Variants in GRB10 observed in about 807,000 individuals in gnomAD.
GRB10 encodes growth factor receptor-bound protein 10.
Under a neutral mutation model 80.9 loss-of-function variants are expected in GRB10, and 20 were observed. The ratio of observed to expected loss-of-function variants is 0.25; its 90% CI spans 0.17 to 0.36. GRB10 has a LOEUF of 0.36. GRB10 is among the 10% of genes least tolerant of loss of function. The pLI is 1.00. For synonymous variants in GRB10, 291 were observed against 291.5 expected (o/e 1.00, Z 0.02); for missense variants, 548 against 747.7 (o/e 0.73, Z 3.12).
intron 2 of GRB10, among the ~76,000 whole-genome samples, chr7:50,764,544 G>A (rs2076129346): frequency 6.6e-6 from 1 of 152,196 alleles, no homozygotes; most frequent in South Asian, 2.1e-4. Flanking sequence ...TGGAAGGCAC[G>A]CAAAAGCTCT....
At chr7:50,775,770 C>G (rs973513552) in intron 2 of GRB10, among the ~76,000 whole-genome samples, 5 of 152,252 alleles carry the variant, frequency 3.3e-5, no homozygotes, top group African/African-American at 4.8e-5. Context: ...CTCTTGCACT[C>G]TGCATACTTG....
intron 7 of GRB10, among the ~76,000 whole-genome samples, chr7:50,650,505 G>A (rs180931397): frequency 2.6e-4 from 40 of 152,350 alleles, no homozygotes; most frequent in Non-Finnish European, 4.6e-4. Flanking sequence ...AATGATTCTG[G>A]AATGAGGATG....
rs777553621 is a variant in GRB10, at chr7:50,775,161, C to CAAAAAAAAAAA, written c.-217+5455_-217+5465dup. Reference sequence around the variant, plus strand: ...GAATGACACAGTGAGATCCTGTCTCCAAAAAAAAAAAACAAAAAAAAACAG... The same window carrying CAAAAAAAAAAA: ...GAATGACACAGTGAGATCCTGTCTCCAAAAAAAAAAAAAAAAAAAAAAACAAAAAAAAACAG... On this transcript the variant is annotated intron_variant, in intron 2 of 18. Coordinates refer to ENST00000401949, the MANE Select transcript of GRB10 (RefSeq NM_001350814.2). Among the ~76,000 whole-genome samples, 85 of 30,976 alleles carry CAAAAAAAAAAA rather than the reference C, an allele frequency of 2.7e-3. 15 individuals are homozygous for CAAAAAAAAAAA. The highest frequency in any genetic ancestry group is 4.4e-3 in the East Asian group (4 of 918). The allele number at this position is 30,976 out of a possible 152,430, so 20.3% of individuals were successfully genotyped here.
chr7:50,616,153 C>G lies in GRB10; in HGVS notation c.984+57G>C, dbSNP rs750610949. 59 of 1,609,136 alleles carry G rather than the reference C, an allele frequency of 3.7e-5. 1 individual carries two copies. In the Admixed American group the frequency reaches 5.8e-4, roughly 16 times the overall value. Reference sequence around the variant, plus strand: ...TGAAGCCCAGGTTCACTCTGAGGACCTGGGGGGAGTGACTGTGGCAGAATT... The same window carrying G: ...TGAAGCCCAGGTTCACTCTGAGGACGTGGGGGGAGTGACTGTGGCAGAATT... On this transcript the variant is annotated intron_variant, in intron 11 of 18. Transcript: ENST00000401949.
chr7:50,677,748 C>G (rs2061112728), intron 5 of GRB10, among the ~76,000 whole-genome samples: 1 of 152,198 alleles, frequency 6.6e-6, no homozygotes, highest in African/African-American at 2.4e-5. Context: ...AGTGGGCCAT[C>G]TAAAAGTCAA....
At chr7:50,636,403 G>A (rs928310400) in intron 7 of GRB10, among the ~76,000 whole-genome samples, 11 of 152,108 alleles carry the variant, frequency 7.2e-5, no homozygotes, top group African/African-American at 1.7e-4. Flanking sequence ...CCCTGATACC[G>A]AAATCAGGCA....
chr7:50,690,061 C>T (rs777101119), intron 5 of GRB10, among the ~76,000 whole-genome samples: 1 of 151,908 alleles, frequency 6.6e-6, no homozygotes, highest in Non-Finnish European at 1.5e-5. Context: ...CTTTGGGAGG[C>T]CAAGACGGGA....
chr7:50,601,254 G>T (rs1044697165), intron 17 of GRB10, among the ~76,000 whole-genome samples: 3 of 152,228 alleles, frequency 2.0e-5, no homozygotes, highest in African/African-American at 7.2e-5. Context: ...TGGTGTAGGG[G>T]TTGGGAGGCA....
At chr7:50,768,272 A>C (rs1426028917) in intron 2 of GRB10, among the ~76,000 whole-genome samples, 1 of 152,206 alleles carries the variant, frequency 6.6e-6, no homozygotes, top group African/African-American at 2.4e-5. Flanking sequence ...ATTTAGAAAA[A>C]TCGATGCAGG....
intron 8 of GRB10, among the ~76,000 whole-genome samples, chr7:50,626,321 C>G (rs1350654399): frequency 6.6e-6 from 1 of 152,244 alleles, no homozygotes; most frequent in African/African-American, 2.4e-5. Context: ...CTCAAACTTA[C>G]AGCAAAGTGC....
At chr7:50,639,337 C>G (rs1586146327) in intron 7 of GRB10, among the ~76,000 whole-genome samples, 3 of 152,068 alleles carry the variant, frequency 2.0e-5, no homozygotes, top group African/African-American at 7.2e-5. Context: ...ATCCTTTTTT[C>G]TAAAGGAGAT....
intron 7 of GRB10, among the ~76,000 whole-genome samples, chr7:50,629,644 C>T (rs1010016467): frequency 3.3e-5 from 5 of 152,190 alleles, no homozygotes; most frequent in African/African-American, 9.7e-5. Flanking sequence ...ACCCAGTCAA[C>T]GCGTAGAGCT....
chr7:50,749,637 G>T (rs1414770611), intron 3 of GRB10, among the ~76,000 whole-genome samples: 1 of 152,022 alleles, frequency 6.6e-6, no homozygotes, highest in African/African-American at 2.4e-5. Context: ...TCTTCCATTG[G>T]TTCTAAACAC....
intron 7 of GRB10, among the ~76,000 whole-genome samples, chr7:50,661,871 G>A (rs143606525): frequency 5.1e-4 from 77 of 152,354 alleles, no homozygotes; most frequent in Admixed American, 9.8e-4. Flanking sequence ...ACCAGCTGCC[G>A]TTGTGGAGAG....
intron 2 of GRB10, chr7:50,779,015 G>A (rs901953191): frequency 6.6e-6 from 1 of 152,108 alleles, no homozygotes; most frequent in Non-Finnish European, 1.5e-5. Flanking sequence ...ATTTGCCCCT[G>A]GAATAAAGTA....
At position 50,612,481 on chromosome 7, in the gene GRB10, G is replaced by A. The variant is rs557698706; in HGVS notation, c.1194+260C>T. Among the ~76,000 whole-genome samples, 182 of 152,120 alleles carry A rather than the reference G, an allele frequency of 1.2e-3. 3 individuals carry two copies. Among genetic ancestry groups the A allele is most frequent in the Non-Finnish European group, 6.5e-4 (44 of 67,990 alleles). ...ATGCTTGGATGTCCCCCAGACCCCC[G>A]ACAAAGAATTATTCTACCCAAAATG... On this transcript the variant is annotated intron_variant, in intron 13 of 18. Coordinates refer to ENST00000401949, the MANE Select transcript of GRB10 (RefSeq NM_001350814.2).
intron 17 of GRB10, 36 bp from the exon 18 acceptor site, chr7:50,595,566 T>G: frequency 8.9e-7 from 1 of 1,127,196 alleles, no homozygotes; most frequent in Non-Finnish European, 1.4e-6. Flanking sequence ...CTAAAATATT[T>G]TAAAATCTGG....
chr7:50,621,249 G>A (rs747299261), intron 8 of GRB10, among the ~76,000 whole-genome samples: 6 of 152,236 alleles, frequency 3.9e-5, no homozygotes, highest in African/African-American at 1.4e-4. Context: ...ACAGGGGGAC[G>A]TGTCCCTGGT....
chr7:50,711,104 C>G (rs1325342003), intron 4 of GRB10: 2 of 604,042 alleles, frequency 3.3e-6, no homozygotes, highest in African/African-American at 3.7e-5. Context: ...GGAGAATGCC[C>G]GATCATAACC....
Sources: gnomAD v4.1 joint callset for allele counts (sites outside exome capture counted in the v4.1 genomes callset) on GRCh38, gnomAD v4.1.1 for gene constraint, MANE v1.5 for transcripts, NCBI Gene and HGNC (gene_info 2026-07-23, HGNC 2026-07-21) for gene names.